RUVBL1: variants seen among roughly 807,000 people sequenced by gnomAD.
The protein encoded by RUVBL1 is ruvB-like 1.
RUVBL1 carries 4 observed loss-of-function variants against 52.4 expected under a neutral mutation model. The ratio of observed to expected loss-of-function variants is 0.08; its 90% confidence interval spans 0.04 to 0.17. The LOEUF (loss-of-function observed/expected upper bound fraction) is 0.17. Ranked by LOEUF, RUVBL1 falls within the 10% of genes least tolerant of loss-of-function variation. The probability of loss-of-function intolerance (pLI) is 1.00; values close to 1 mark genes in which losing one functional copy is unlikely to be tolerated. For missense variants in RUVBL1, 298 were observed against 572.8 expected (o/e 0.52, Z 4.90); for synonymous variants, 217 against 214.4 (o/e 1.01, Z -0.10).
rs756976693 is a variant in RUVBL1 at position 128,153,640 on chromosome 3, C to G, written c.-477G>C. The G allele has an allele frequency of 7.5e-6, 12 of 1,598,060 alleles. No individual in the cohort carries two copies. The highest frequency in any genetic ancestry group is 1.7e-4 in the Middle Eastern group (1 of 5,842). On this transcript the variant is annotated 5_prime_UTR_variant, in exon 1 of 10. Coordinates refer to the RUVBL1 transcript ENST00000464873. ...TGACAAGCAGCCGCAGAGCCGCGAG[C>G]GCGGCATCACGCTCGATCTGGGCTT...
At chr3:128,150,764 C>A (rs1400653552) in intron 1 of RUVBL1, among the ~76,000 whole-genome samples, 5 of 95,122 alleles carry the variant, frequency 5.3e-5, no homozygotes, top group African/African-American at 1.8e-4. Flanking sequence ...TCTATATATT[C>A]TATATATTAT....
intron 9 of RUVBL1, among the ~76,000 whole-genome samples, chr3:128,087,189 C>A (rs1218271549): frequency 6.6e-6 from 1 of 152,258 alleles, no homozygotes; most frequent in Non-Finnish European, 1.5e-5. Context: ...TGCTAGGACA[C>A]AAGCACTGGC....
rs370663240 is a variant in RUVBL1, at chr3:128,067,417, C to T, written c.940-2197G>A. 6.2e-7 allele frequency: 1 copy of T among 1,609,396 alleles called. No homozygotes were observed. Among genetic ancestry groups the T allele is most frequent in the Non-Finnish European group, 8.5e-7 (1 of 1,178,284 alleles). On this transcript the variant is annotated intron_variant, in intron 9 of 9. Coordinates refer to the RUVBL1 transcript ENST00000464873. This position sits in a 1 kb window ranked among gnomAD's most constrained non-coding sequence, Gnocchi z 4.1. ...TCACATGCGTTTGGTTTCTTCTTCC[C>T]CAGGACACGTCTTCTGGGGGCCCAG...
chr3:128,069,670 T>TC, intron 9 of RUVBL1: 1 of 1,613,436 alleles, frequency 6.2e-7, no homozygotes, highest in Non-Finnish European at 8.5e-7. Flanking sequence ...TGAGCCCGTC[T>TC]CCCGGACAGG....
intron 8 of RUVBL1, 183 bp from the exon 9 acceptor site, chr3:128,087,991 G>A: frequency 3.9e-6 from 2 of 509,474 alleles, no homozygotes; most frequent in South Asian, 4.8e-5. Context: ...AGGCGCAGTG[G>A]CTCACACCTG....
chr3:128,118,145 G>A (rs1330804995), intron 2 of RUVBL1, among the ~76,000 whole-genome samples: 3 of 152,164 alleles, frequency 2.0e-5, no homozygotes, highest in African/African-American at 7.2e-5. Flanking sequence ...TAAGATATAA[G>A]GAATAGCAAG....
chr3:128,072,026 G>A (rs376620026), intron 9 of RUVBL1, among the ~76,000 whole-genome samples: 4 of 152,258 alleles, frequency 2.6e-5, no homozygotes, highest in Admixed American at 6.5e-5. Flanking sequence ...CCCATAACTC[G>A]AAGCCCTTTG....
chr3:128,100,806 C>A, intron 5 of RUVBL1, 62 bp from the exon 6 acceptor site: 2 of 1,599,462 alleles, frequency 1.3e-6, no homozygotes, highest in Non-Finnish European at 1.7e-6. Context: ...CCAAATGGCA[C>A]AGGGCTAAGT....
chr3:128,117,708 G>T (rs1025516125), intron 2 of RUVBL1, among the ~76,000 whole-genome samples: 1 of 151,960 alleles, frequency 6.6e-6, no homozygotes, highest in South Asian at 2.1e-4. Context: ...TGCCTCCCAG[G>T]TTCAAGCGAT....
intron 1 of RUVBL1, among the ~76,000 whole-genome samples, chr3:128,153,020 A>G (rs1327679507): frequency 1.5e-5 from 1 of 68,124 alleles, no homozygotes; most frequent in Non-Finnish European, 2.8e-5. Flanking sequence ...TCGCCCCCCC[A>G]TGTTCCGTTT....
At chr3:128,076,795 T>C (rs1942341617), downstream of RUVBL1, among the ~76,000 whole-genome samples, 1 of 152,076 alleles carries the variant, frequency 6.6e-6, no homozygotes, top group African/African-American at 2.4e-5. The surrounding 1 kb of genome is among the most constrained non-coding windows in gnomAD (Gnocchi z 6.8). Context: ...GTTCCCTGCA[T>C]GCGGCTCCAG....
At chr3:128,097,626 C>G in intron 7 of RUVBL1, 128 bp from the exon 8 acceptor site, 1 of 768,738 alleles carries the variant, frequency 1.3e-6, no homozygotes, top group South Asian at 1.6e-5. Flanking sequence ...CTATGTGATC[C>G]CAGACAGGGT....
chr3:128,122,180 C>T (rs1943665967), intron 1 of RUVBL1, among the ~76,000 whole-genome samples: 2 of 152,182 alleles, frequency 1.3e-5, no homozygotes, highest in Admixed American at 6.5e-5. Flanking sequence ...ACTTATTTGA[C>T]CTCTATGAAC....
rs1410809710 is a variant in RUVBL1 at position 128,082,350 on chromosome 3, C to T, written c.1211+133G>A. The T allele has an allele frequency of 3.0e-6, 2 of 671,012 alleles. No homozygotes were observed. Among genetic ancestry groups the T allele is most frequent in the Admixed American group, 2.5e-5 (1 of 39,238 alleles). 41.6% of individuals were successfully genotyped at this position (671,012 alleles called of 1,614,324 possible). On this transcript the variant is annotated intron_variant, in intron 10 of 10. Coordinates refer to ENST00000322623, the MANE Select transcript of RUVBL1 (RefSeq NM_003707.3). This position sits in a 1 kb window ranked among gnomAD's most constrained non-coding sequence, Gnocchi z 4.7. ...TTTGAAACTCAAGTGCCCTGGCACC[C>T]ATCGCGCCAGGAAGAGCGGATGGAT...
intron 9 of RUVBL1, chr3:128,066,687 G>A: frequency 2.1e-6 from 1 of 480,094 alleles, no homozygotes; most frequent in South Asian, 3.3e-5. Flanking sequence ...GCCTCCCAAA[G>A]TGCTGGGATT....
intron 9 of RUVBL1, among the ~76,000 whole-genome samples, chr3:128,065,769 C>G (rs6439111): frequency 0.64 from 86,710 of 136,170 alleles, 27,278 homozygotes; most frequent in East Asian, 0.81. Context: ...CGGAGTCTTG[C>G]TCTGTTGCCC....
At chr3:128,072,897 G>A (rs559487531) in intron 9 of RUVBL1, among the ~76,000 whole-genome samples, 6 of 152,262 alleles carry the variant, frequency 3.9e-5, no homozygotes, top group African/African-American at 1.4e-4. Context: ...CCATGCACAG[G>A]GAACTAATGC....
intron 9 of RUVBL1, chr3:128,069,677 C>T (rs896141039): frequency 5.0e-6 from 8 of 1,612,856 alleles, no homozygotes; most frequent in Non-Finnish European, 5.9e-6. Flanking sequence ...GTCTCCCGGA[C>T]AGGTTGAGGA....
chr3:128,114,899 T>C (rs1213319793), intron 2 of RUVBL1, among the ~76,000 whole-genome samples: 1 of 152,162 alleles, frequency 6.6e-6, no homozygotes, highest in Non-Finnish European at 1.5e-5. Context: ...ACCCTCAGTT[T>C]TGAACTTCAA....
Sources: allele counts gnomAD v4.1 joint callset (sites outside exome capture counted in the v4.1 genomes callset), GRCh38; gene constraint gnomAD v4.1.1; non-coding constraint Gnocchi (gnomAD v3.1); transcripts MANE v1.5; gene names NCBI Gene and HGNC (gene_info 2026-07-23, HGNC 2026-07-21).